NRXN3: variants seen among roughly 807,000 people sequenced by gnomAD.
The protein encoded by NRXN3 is neurexin III.
Under a neutral mutation model 137.6 loss-of-function variants are expected in NRXN3, and 32 were observed. The ratio of observed to expected loss-of-function variants is 0.23; its 90% CI spans 0.18 to 0.31. The LOEUF is 0.31. Among genes scored for constraint, NRXN3 ranks in the 10% least tolerant of loss-of-function variants. NRXN3 has a pLI of 1.00. For missense variants in NRXN3, 1,574 were observed against 2,062.5 expected, an observed-to-expected ratio of 0.76 and a Z score of 4.59; for synonymous variants, 798 against 784.5, an observed-to-expected ratio of 1.02 and a Z score of -0.29.
At chr14:79,508,389 G>GCTTTTTTTTTTTTTTTT (rs1567328889) in intron 16 of NRXN3, among the ~76,000 whole-genome samples, 1 of 12,560 alleles carries the variant, frequency 8.0e-5, no homozygotes, top group African/African-American at 3.3e-4. Flanking sequence ...AACAATAACT[G>GCTTTTTTTTTTTTTTTT]ATTTTTTTTT....
At chr14:78,928,678 A>G (rs988319046) in intron 10 of NRXN3, among the ~76,000 whole-genome samples, 1 of 151,910 alleles carries the variant, frequency 6.6e-6, no homozygotes, top group Admixed American at 6.6e-5. Context: ...TGTGTGCCAC[A>G]TTTTCTGAAT....
At chr14:79,645,426 G>A (rs372257658) in intron 16 of NRXN3, among the ~76,000 whole-genome samples, 1 of 133,370 alleles carries the variant, frequency 7.5e-6, no homozygotes, top group East Asian at 2.0e-4. Flanking sequence ...GACCAGCCTG[G>A]CCAACATGGT....
chr14:79,318,948 A>G (rs2089457113), intron 15 of NRXN3, among the ~76,000 whole-genome samples: 1 of 152,022 alleles, frequency 6.6e-6, no homozygotes, highest in South Asian at 2.1e-4. Context: ...TTGATGTTCT[A>G]TTTATTTCTA....
chr14:78,601,198 A>G (rs2097198643), intron 4 of NRXN3, among the ~76,000 whole-genome samples: 1 of 152,234 alleles, frequency 6.6e-6, no homozygotes, highest in Admixed American at 6.5e-5. Flanking sequence ...CTACTTCAGT[A>G]ATATCACTGA....
At chr14:79,435,300 C>CAA (rs147005397) in intron 15 of NRXN3, among the ~76,000 whole-genome samples, 2,403 of 123,582 alleles carry the variant, frequency 0.019, 63 homozygotes, top group African/African-American at 0.068. Flanking sequence ...GAAATTTGCT[C>CAA]AAAAAAAAAA....
intron 4 of NRXN3, among the ~76,000 whole-genome samples, chr14:78,584,078 C>T (rs2152376095): frequency 6.6e-6 from 1 of 152,262 alleles, no homozygotes; most frequent in Admixed American, 6.5e-5. Context: ...TCTAGAGTCT[C>T]TCTTCTATTA....
In NRXN3 at chr14:78,792,043, C is replaced by A. The variant is rs75093962; in HGVS notation, c.2045-11577C>A. 3.7e-4 allele frequency among the ~76,000 whole-genome samples: 56 copies of A among 150,246 alleles called. 4 individuals are homozygous for A. The East Asian group carries it at 0.011, about 29-fold the overall frequency. ...GCAATACAAATGCAAAGCAACAGAA[C>A]AATAAAGTTAAAAAAAGGAAAAAAA... On this transcript the variant is annotated intron_variant, in intron 8 of 20. Coordinates refer to ENST00000335750, the MANE Select transcript of NRXN3 (RefSeq NM_001330195.2).
chr14:78,522,066 C>T (rs1195618007), intron 4 of NRXN3, among the ~76,000 whole-genome samples: 1 of 152,088 alleles, frequency 6.6e-6, no homozygotes, highest in Non-Finnish European at 1.5e-5. Flanking sequence ...TAGAGCATTT[C>T]TTATCTGGCT....
rs371795430 is a variant in NRXN3, at chr14:78,749,536, TAGAA to T, written c.2044+34402_2044+34405del. 3.4e-4 allele frequency among the ~76,000 whole-genome samples: 52 copies of T among 152,334 alleles called. 1 individual carries two copies. Among genetic ancestry groups the T allele is most frequent in the African/African-American group, 1.2e-3 (51 of 41,572 alleles). The stretch of plus-strand genomic sequence containing the variant: ...GTGGAGTTGGCTGTAGTTCAAGCAA[TAGAA>T]AGAAGAGGTACTATTTTAACAACAG... On this transcript the variant is annotated intron_variant, in intron 8 of 20. Transcript: ENST00000335750.
At chr14:79,548,626 C>A (rs1448590851) in intron 16 of NRXN3, among the ~76,000 whole-genome samples, 1 of 151,810 alleles carries the variant, frequency 6.6e-6, no homozygotes, top group Non-Finnish European at 1.5e-5. Flanking sequence ...CTGGGAGTTG[C>A]AGTGAGTGGG....
In NRXN3 at chr14:78,210,377, A is replaced by G. The variant is rs138216195; in HGVS notation, c.-703-32014A>G. On this transcript the variant is annotated intron_variant, in intron 1 of 20. Coordinates refer to ENST00000335750, the MANE Select transcript of NRXN3 (RefSeq NM_001330195.2). ...CCCTCGTGACCCAATCACCTCCCAA[A>G]GGCTCCACCTCTTATTATCACACTG... is the stretch of plus-strand genomic sequence containing the variant. 3.9e-3 allele frequency among the ~76,000 whole-genome samples: 601 copies of G among 152,250 alleles called. 3 individuals carry two copies. Among genetic ancestry groups the G allele is most frequent in the African/African-American group, 0.014 (571 of 41,538 alleles).
intron 15 of NRXN3, among the ~76,000 whole-genome samples, chr14:79,093,956 G>A (rs1462204782): frequency 6.6e-6 from 1 of 151,832 alleles, no homozygotes; most frequent in Non-Finnish European, 1.5e-5. Flanking sequence ...GGGTGAGATA[G>A]AGATTGCTAT....
intron 8 of NRXN3, among the ~76,000 whole-genome samples, chr14:78,777,207 CCTTA>C (rs1567280225): frequency 2.6e-5 from 4 of 152,166 alleles, no homozygotes; most frequent in African/African-American, 7.2e-5. Flanking sequence ...CTCCATAGAG[CCTTA>C]CTTACTTTCA....
At position 78,586,176 on chromosome 14, in the gene NRXN3, CAA is replaced by C. The variant is rs558976156; in HGVS notation, c.758-58942_758-58941del. Reference sequence around the variant, plus strand: ...CAACAGGAGAGCTGAGTAGTTGTGACAAAGACTCATGGCCTGCCAAAGGCCAA... The same window carrying C: ...CAACAGGAGAGCTGAGTAGTTGTGACAGACTCATGGCCTGCCAAAGGCCAA... On this transcript the variant is annotated intron_variant, in intron 4 of 20. Coordinates refer to ENST00000335750, the MANE Select transcript of NRXN3 (RefSeq NM_001330195.2). 1.2e-3 allele frequency among the ~76,000 whole-genome samples: 183 copies of C among 152,286 alleles called. 1 individual carries two copies. Among genetic ancestry groups the C allele is most frequent in the African/African-American group, 4.3e-3 (177 of 41,568 alleles).
intron 16 of NRXN3, among the ~76,000 whole-genome samples, chr14:79,572,091 A>G (rs1055097839): frequency 6.6e-6 from 1 of 152,154 alleles, no homozygotes; most frequent in Admixed American, 6.5e-5. Flanking sequence ...TAATTAGACA[A>G]AATTTTCAAA....
At chr14:79,198,890 A>G (rs1241607186) in intron 15 of NRXN3, among the ~76,000 whole-genome samples, 1 of 152,226 alleles carries the variant, frequency 6.6e-6, no homozygotes, top group Non-Finnish European at 1.5e-5. Context: ...AAAACTGGCC[A>G]GGTGCGGTGG....
At chr14:78,369,871 C>T (rs2086544270) in intron 4 of NRXN3, among the ~76,000 whole-genome samples, 1 of 149,536 alleles carries the variant, frequency 6.7e-6, no homozygotes, top group Non-Finnish European at 1.5e-5. Flanking sequence ...ACTCAATAAT[C>T]CCAAGTGGCA....
At chr14:79,031,082 T>C (rs2099607561) in intron 15 of NRXN3, among the ~76,000 whole-genome samples, 1 of 152,180 alleles carries the variant, frequency 6.6e-6, no homozygotes. Flanking sequence ...TAAGTTTCTA[T>C]CAAGATCTCT....
At chr14:79,726,860 C>T (rs1389079499) in intron 19 of NRXN3, among the ~76,000 whole-genome samples, 1 of 152,066 alleles carries the variant, frequency 6.6e-6, no homozygotes, top group African/African-American at 2.4e-5. Flanking sequence ...GACTCTCAAT[C>T]ATATATGAGA....
Sources: gnomAD v4.1 joint callset for allele counts (sites outside exome capture counted in the v4.1 genomes callset) on GRCh38, gnomAD v4.1.1 for gene constraint, MANE v1.5 for transcripts, NCBI Gene and HGNC (gene_info 2026-07-23, HGNC 2026-07-21) for gene names.